The following ZNF517 variants were observed in gnomAD, a reference collection of about 807,000 sequenced individuals.
ZNF517 encodes zinc finger protein 517.
In ZNF517, 12 loss-of-function variants were observed where a neutral mutation model predicts 12.1. The ratio of observed to expected loss-of-function variants is 0.99; its 90% CI spans 0.63 to 1.61. ZNF517 has a LOEUF of 1.61. Among genes scored for constraint, ZNF517 ranks in the 40% most tolerant of loss-of-function variants. The pLI is 0.00. For synonymous variants in ZNF517, 388 were observed against 310.2 expected, an observed-to-expected ratio of 1.25 and a Z score of -2.63; for missense variants, 781 against 693.2, an observed-to-expected ratio of 1.13 and a Z score of -1.42.
At chr8:144,800,127 G>A (rs1826885682) in intron 1 of ZNF517, among the ~76,000 whole-genome samples, 1 of 151,920 alleles carries the variant, frequency 6.6e-6, no homozygotes, top group Non-Finnish European at 1.5e-5. Context: ...TATGGAAGGA[G>A]GTGACCCCTC....
chr8:144,810,467 G>C (rs1827520946), downstream of ZNF517: 1 of 410,372 alleles, frequency 2.4e-6, no homozygotes, highest in Non-Finnish European at 4.4e-6. Context: ...CCACCCTCCA[G>C]AGAACAAGAA....
intron 2 of ZNF517, chr8:144,803,182 T>G: frequency 1.7e-6 from 1 of 572,038 alleles, no homozygotes; most frequent in Non-Finnish European, 3.1e-6. Context: ...GCCCCTGAGC[T>G]TCTATGGTCA....
rs1827502216 is a variant in ZNF517, at chr8:144,810,056, CAAAT to C, written c.*1665_*1668del. On this transcript the variant is annotated 3_prime_UTR_variant, in exon 5 of 5. Transcript: ENST00000359971. ...TGACAGGGCAAGACTCTGTCTCAAA[CAAAT>C]AAAAATCCCCTCTCCTAAACTCCAT... is the stretch of plus-strand genomic sequence containing the variant. The C allele has an allele frequency of 9.6e-6, 5 of 518,950 alleles. No individual in the cohort carries two copies. The highest frequency in any genetic ancestry group is 1.9e-5 in the African/African-American group (1 of 52,562). The allele number at this position is 518,950 out of a possible 1,614,324, so 32.1% of individuals were successfully genotyped here.
Position 144,808,439 on chromosome 8 carries a change from A to T in ZNF517, c.*44A>T. 1 of 1,438,192 alleles carries T rather than the reference A, an allele frequency of 7.0e-7. No individual in the cohort carries two copies. The allele number at this position is 1,438,192 out of a possible 1,614,324, so 89.1% of individuals were successfully genotyped here. The stretch of plus-strand genomic sequence containing the variant: ...GAGGATTCACGCTGGAAGCCCACCC[A>T]AGCCGGCGGGGCCCTAGCGCAGAAA... On this transcript the variant is annotated 3_prime_UTR_variant, in exon 5 of 5. Transcript: ENST00000359971.
intron 4 of ZNF517, 107 bp downstream of exon 4, chr8:144,804,345 C>T: frequency 1.4e-6 from 1 of 740,390 alleles, no homozygotes; most frequent in Non-Finnish European, 2.1e-6. Context: ...GTATGTTTAG[C>T]TCCTCACAGC....
At chr8:144,806,377 T>A (rs1410307735) in intron 4 of ZNF517, among the ~76,000 whole-genome samples, 1 of 152,230 alleles carries the variant, frequency 6.6e-6, no homozygotes, top group East Asian at 1.9e-4. Context: ...CTGCCAGACC[T>A]TGGGCCTCTC....
downstream of ZNF517, chr8:144,810,329 A>G (rs1827514816): frequency 1.8e-6 from 1 of 551,688 alleles, no homozygotes; most frequent in Admixed American, 2.8e-5. Flanking sequence ...GGGTGGGAAC[A>G]TGCAGACCTG....
Position 144,807,890 on chromosome 8 carries a change from G to C in ZNF517, c.974G>C (p.Arg325Pro), listed in dbSNP as rs767555825. 8.4e-6 allele frequency: 13 copies of C among 1,548,338 alleles called. No homozygotes were observed. Among genetic ancestry groups the C allele is most frequent in the Non-Finnish European group, 1.1e-5 (13 of 1,150,926 alleles). ...RPYRCLRCGQRFIRGSSLLKH... is the reference protein window; with the variant it reads ...RPYRCLRCGQPFIRGSSLLKH... ...TACCGGTGCCTGCGGTGTGGGCAGC[G>C]CTTCATCCGAGGGTCCTCGCTCCTG... The change falls in exon 5 of 5, where the codon CGC (arginine) becomes CCC (proline). Residue 325 changes from arginine (R) to proline (P), a missense_variant. Transcript: ENST00000359971.
At chr8:144,811,707 G>A (rs2958510), downstream of ZNF517, among the ~76,000 whole-genome samples, 8 of 103,204 alleles carry the variant, frequency 7.8e-5, no homozygotes, top group Admixed American at 2.1e-4. Context: ...AGACTGCAGC[G>A]TGGAAGCAAA....
At chr8:144,812,171 A>C (rs868232182), downstream of ZNF517, among the ~76,000 whole-genome samples, 1,478 of 141,470 alleles carry the variant, frequency 0.01, 46 homozygotes, top group African/African-American at 0.037. Context: ...CTGACAGTAA[A>C]GCTCAGCCAG....
intron 1 of ZNF517, chr8:144,800,417 C>T (rs116303453): frequency 1.1e-6 from 1 of 924,562 alleles, no homozygotes; most frequent in East Asian, 1.2e-4. Flanking sequence ...TGAGCAAACA[C>T]AAAGCAGCAG....
chr8:144,812,008 A>G (rs2955214), downstream of ZNF517, among the ~76,000 whole-genome samples: 56 of 79,394 alleles, frequency 7.1e-4, no homozygotes, highest in African/African-American at 1.0e-3. Context: ...GCTGAGACAG[A>G]GTGGGAGAGA....
chr8:144,807,488 T>C lies in ZNF517; in HGVS notation c.572T>C (p.Leu191Pro), dbSNP rs1178480204. 1 of 1,585,596 alleles carries C rather than the reference T, an allele frequency of 6.3e-7. No homozygotes were observed. Among genetic ancestry groups the C allele is most frequent in the Non-Finnish European group, 8.6e-7 (1 of 1,166,494 alleles). ...GGCAAGGCGTTCAGATACAACTCGC[T>C]GCTTCTCAGGCACCAGATCATCCAC... ...VCGKAFRYNS[L>P]LLRHQIIHTG... Residue 191 changes from leucine (L) to proline (P), a missense_variant, in exon 5 of 5, where the codon CTG (leucine) becomes CCG (proline). By Grantham distance (98) the Leu-to-Pro change is moderately conservative (BLOSUM62 -3). Transcript: ENST00000359971.
chr8:144,800,381 C>G, intron 1 of ZNF517: 1 of 680,738 alleles, frequency 1.5e-6, no homozygotes, highest in Non-Finnish European at 1.8e-6. Context: ...GGTAGCCCCT[C>G]CCTGAGGACA....
intron 4 of ZNF517, among the ~76,000 whole-genome samples, chr8:144,805,911 G>A (rs1360698168): frequency 2.0e-5 from 3 of 152,262 alleles, no homozygotes; most frequent in Admixed American, 6.5e-5. Flanking sequence ...GAGCCACCAC[G>A]CCTGGCCAGA....
At chr8:144,802,977 C>G (rs1827041300) in intron 2 of ZNF517, 30 bp downstream of exon 2, 1 of 1,613,452 alleles carries the variant, frequency 6.2e-7, no homozygotes, top group Non-Finnish European at 8.5e-7. Flanking sequence ...GTCCATTGCC[C>G]CAGGAGACTG....
chr8:144,800,388 G>A (rs1366131856), intron 1 of ZNF517: 1 of 743,448 alleles, frequency 1.3e-6, no homozygotes, highest in Admixed American at 6.3e-5. Flanking sequence ...CCTCCCTGAG[G>A]ACATGCACTC....
intron 2 of ZNF517, chr8:144,803,382 G>C: frequency 1.9e-6 from 1 of 523,338 alleles, no homozygotes; most frequent in Non-Finnish European, 3.4e-6. Context: ...GAGAGGGCGA[G>C]GCCAAGGTTG....
At chr8:144,800,616 C>A (rs1826910277) in intron 1 of ZNF517, 2 of 985,352 alleles carry the variant, frequency 2.0e-6, no homozygotes, top group African/African-American at 3.5e-5. Context: ...GTGGGTCCTG[C>A]CACAGACTGC....
Sources: allele counts gnomAD v4.1 joint callset (sites outside exome capture counted in the v4.1 genomes callset), GRCh38; gene constraint gnomAD v4.1.1; transcripts MANE v1.5; gene names NCBI Gene and HGNC (gene_info 2026-07-23, HGNC 2026-07-21).